The following SLC12A2 variants were observed in gnomAD, a reference collection of about 807,000 sequenced individuals.
SLC12A2 encodes solute carrier family 12 member 2, also known as Na-K-2Cl cotransporter 1.
SLC12A2 carries 67 observed loss-of-function variants against 136.3 expected under a neutral mutation model. The observed-to-expected ratio is 0.49, with a 90% CI of 0.40 to 0.60. The LOEUF is 0.60. Ranked by LOEUF, SLC12A2 falls within the 20% of genes least tolerant of loss-of-function variation. SLC12A2 has a pLI of 0.00. For missense variants in SLC12A2, 1,322 were observed against 1,534.7 expected (o/e 0.86, Z 2.32); for synonymous variants, 619 against 562.9 (o/e 1.10, Z -1.41).
Position 128,114,256 on chromosome 5 carries a change from A to G in SLC12A2, c.921A>G (p.Arg307=), listed in dbSNP as rs1361521402. The change falls in exon 3 of 27, where the codon AGA becomes AGG. Residue 307 remains arginine, a synonymous_variant. Transcript: ENST00000262461. Reference sequence around the variant, plus strand: ...TTTGGGGTGTGATGCTTTTCATTAGATTGTCATGGATTGTGGGTCAAGCTG... The same window carrying G: ...TTTGGGGTGTGATGCTTTTCATTAGGTTGTCATGGATTGTGGGTCAAGCTG... ...LNIWGVMLFI[R]LSWIVGQAGI... 1 of 1,613,290 alleles carries G rather than the reference A, an allele frequency of 6.2e-7. No individual in the cohort carries two copies. The highest frequency in any genetic ancestry group is 1.7e-5 in the Admixed American group (1 of 59,986).
intron 16 of SLC12A2, 86 bp downstream of exon 16, chr5:128,158,250 A>T: frequency 1.0e-6 from 1 of 961,086 alleles, no homozygotes; most frequent in South Asian, 1.6e-5. Flanking sequence ...TTTGTTATGT[A>T]GCTAAATTGT....
chr5:128,089,570 T>G (rs999286537), intron 1 of SLC12A2, among the ~76,000 whole-genome samples: 4 of 145,892 alleles, frequency 2.7e-5, no homozygotes, highest in Admixed American at 2.7e-4. Flanking sequence ...CACCACCATT[T>G]CTCTACCTTG....
At chr5:128,172,967 A>G (rs1390283941) in intron 19 of SLC12A2, among the ~76,000 whole-genome samples, 2 of 151,896 alleles carry the variant, frequency 1.3e-5, no homozygotes, top group East Asian at 3.9e-4. Context: ...AAAAAACAAA[A>G]AACAAAAAAC....
chr5:128,148,416 CTTGT>C (rs571884982), intron 11 of SLC12A2, among the ~76,000 whole-genome samples: 261 of 151,862 alleles, frequency 1.7e-3, no homozygotes, highest in Non-Finnish European at 2.4e-3. Context: ...AAGATTTCAG[CTTGT>C]TTTTCTTAAA....
At chr5:128,122,528 C>G (rs1761621038) in intron 4 of SLC12A2, among the ~76,000 whole-genome samples, 1 of 152,074 alleles carries the variant, frequency 6.6e-6, no homozygotes, top group African/African-American at 2.4e-5. Context: ...CAATTATACC[C>G]ATTTTTTAAC....
At chr5:128,112,629 T>G (rs1209084323) in intron 1 of SLC12A2, among the ~76,000 whole-genome samples, 185 bp from the exon 2 acceptor site, 1 of 152,224 alleles carries the variant, frequency 6.6e-6, no homozygotes, top group Non-Finnish European at 1.5e-5. Flanking sequence ...TTTCAGTAAT[T>G]AAGGTTTTCT....
chr5:128,092,853 T>A (rs1158321932), intron 1 of SLC12A2, among the ~76,000 whole-genome samples: 1 of 152,202 alleles, frequency 6.6e-6, no homozygotes, highest in Non-Finnish European at 1.5e-5. Context: ...TCTTGGATAT[T>A]TAACTGTTCC....
chr5:128,089,824 G>C (rs1205271533), intron 1 of SLC12A2, among the ~76,000 whole-genome samples: 2 of 152,184 alleles, frequency 1.3e-5, no homozygotes, highest in Non-Finnish European at 2.9e-5. Context: ...CTGCTTCTCT[G>C]AGTGGGCTGT....
chr5:128,116,124 A>C (rs1761339872), intron 4 of SLC12A2, among the ~76,000 whole-genome samples: 2 of 152,206 alleles, frequency 1.3e-5, no homozygotes, highest in African/African-American at 4.8e-5. Context: ...AAGTGGGAAG[A>C]GAAATGGGCT....
intron 4 of SLC12A2, among the ~76,000 whole-genome samples, chr5:128,115,757 A>G (rs1460235462): frequency 6.6e-6 from 1 of 152,190 alleles, no homozygotes; most frequent in East Asian, 1.9e-4. Context: ...ACATTATATA[A>G]CACAATTTCC....
intron 19 of SLC12A2, chr5:128,171,971 C>G (rs1391501192): frequency 4.7e-5 from 17 of 358,902 alleles, no homozygotes; most frequent in Non-Finnish European, 8.4e-5. Context: ...GAATAAAATT[C>G]AATCCAAAGC....
intron 1 of SLC12A2, chr5:128,109,468 C>T (rs1000436886): frequency 1.9e-5 from 9 of 479,948 alleles, no homozygotes; most frequent in Non-Finnish European, 2.8e-5. Context: ...TGGATCATTT[C>T]GAGAGTCCGT....
At chr5:128,107,803 C>T (rs1284201196) in intron 1 of SLC12A2, among the ~76,000 whole-genome samples, 1 of 152,010 alleles carries the variant, frequency 6.6e-6, no homozygotes, top group African/African-American at 2.4e-5. Context: ...TTGAGTGTGT[C>T]CCCAGTAATG....
intron 9 of SLC12A2, among the ~76,000 whole-genome samples, chr5:128,139,158 T>A (rs1449442269): frequency 2.0e-5 from 3 of 152,116 alleles, no homozygotes; most frequent in Non-Finnish European, 2.9e-5. Context: ...ATTAAAAAAT[T>A]ATATGAAATT....
rs1261157226 is a variant in SLC12A2, at chr5:128,084,357, G to A, written c.403G>A (p.Ala135Thr). 2.5e-6 allele frequency: 4 copies of A among 1,597,594 alleles called. No individual in the cohort carries two copies. Among genetic ancestry groups the A allele is most frequent in the Non-Finnish European group, 3.4e-6 (4 of 1,175,206 alleles). The part of the protein sequence containing the change: ...ESEPAKGSEE[A>T]KGRFRVNFVD... ...CGAGCCGGCTAAAGGCAGCGAGGAA[G>A]CCAAGGGCCGCTTCCGCGTGAACTT... The change falls in exon 1 of 27, where the codon GCC becomes ACC. Residue 135 changes from alanine to threonine, a missense_variant. Around this residue, in one of 8 missense-constraint regions of SLC12A2, gnomAD observed 358 missense variants for 299.7 expected, o/e 1.19. Coordinates refer to ENST00000262461, the MANE Select transcript of SLC12A2 (RefSeq NM_001046.3). The surrounding 1 kb of genome is among the most constrained non-coding windows in gnomAD (Gnocchi z 5.6).
At position 128,180,928 on chromosome 5, in the gene SLC12A2, G is replaced by T; in HGVS notation, c.3146G>T (p.Trp1049Leu). 2 of 1,612,440 alleles carry T rather than the reference G, an allele frequency of 1.2e-6. No individual in the cohort carries two copies. The highest frequency in any genetic ancestry group is 1.7e-6 in the Non-Finnish European group (2 of 1,178,686). Residue 1049 changes from tryptophan (W) to leucine (L), a missense_variant, in exon 23 of 27, where the codon TGG becomes TTG. Trp to Leu is a moderately conservative substitution (Grantham distance 61). Coordinates refer to ENST00000262461, the MANE Select transcript of SLC12A2 (RefSeq NM_001046.3). ...TACCTTCTGACGACCAAGAAAAAAT[G>T]GAAAGACTGTAAGATCAGAGTATTC... is the stretch of plus-strand genomic sequence containing the variant. ...IPYLLTTKKK[W>L]KDCKIRVFIG...
At chr5:128,098,139 A>G (rs1468430759) in intron 1 of SLC12A2, among the ~76,000 whole-genome samples, 1 of 151,940 alleles carries the variant, frequency 6.6e-6, no homozygotes, top group Non-Finnish European at 1.5e-5. Context: ...GAGTTTCTCT[A>G]TTTGTGTATC....
chr5:128,182,088 A>T (rs1763724735), intron 23 of SLC12A2, among the ~76,000 whole-genome samples: 1 of 152,074 alleles, frequency 6.6e-6, no homozygotes, highest in African/African-American at 2.4e-5. Flanking sequence ...CACTTAATTG[A>T]TAGATCCTGG....
chr5:128,084,030 G>T lies in SLC12A2; in HGVS notation c.76G>T (p.Ala26Ser). The change falls in exon 1 of 27, where the codon GCG becomes TCG. Residue 26 changes from alanine (A) to serine (S), a missense_variant. Coordinates refer to ENST00000262461, the MANE Select transcript of SLC12A2 (RefSeq NM_001046.3). This position sits in a 1 kb window ranked among gnomAD's most constrained non-coding sequence, Gnocchi z 5.6. ...GGTCGGGGAGACGCCGTCAGCCGCT[G>T]CGCTGGCCGCAGCCAGGGTGGAACT... Reference protein sequence around the residue: ...AGVGETPSAAALAAARVELPG... With the variant: ...AGVGETPSAASLAAARVELPG... 7.9e-7 allele frequency: 1 copy of T among 1,266,668 alleles called. No individual in the cohort carries two copies. The highest frequency in any genetic ancestry group is 2.8e-5 in the South Asian group (1 of 36,012). 78.5% of individuals were successfully genotyped at this position (1,266,668 alleles called of 1,614,324 possible).
Sources: allele counts gnomAD v4.1 joint callset (sites outside exome capture counted in the v4.1 genomes callset), GRCh38; gene constraint gnomAD v4.1.1; regional missense constraint gnomAD v4.1.1; non-coding constraint Gnocchi (gnomAD v3.1); transcripts MANE v1.5; gene names NCBI Gene and HGNC (gene_info 2026-07-23, HGNC 2026-07-21).